The following DOK4 variants were observed in gnomAD, a reference collection of about 807,000 sequenced individuals.
The protein encoded by DOK4 is docking protein 4, also known as downstream of tyrosine kinase 4.
DOK4 carries 26 observed loss-of-function variants against 40.1 expected under a neutral mutation model. That is an observed-to-expected ratio of 0.65 (90% CI 0.48 to 0.90). DOK4 has a LOEUF of 0.90. DOK4 is among the 40% of genes least tolerant of loss of function. The pLI is 0.00. For synonymous variants in DOK4, 179 were observed against 177.0 expected, an observed-to-expected ratio of 1.01 and a Z score of -0.09; for missense variants, 392 against 437.2, an observed-to-expected ratio of 0.90 and a Z score of 0.92.
At chr16:57,474,642 T>G (rs1307028336) in intron 6 of DOK4, 151 bp downstream of exon 6, 6 of 1,014,294 alleles carry the variant, frequency 5.9e-6, no homozygotes, top group Non-Finnish European at 8.5e-6. Flanking sequence ...CCATTTCATT[T>G]CTTCGTCTGT....
At chr16:57,473,225 G>T in exon 9 of DOK4, 1 of 1,249,670 alleles carries the variant, frequency 8.0e-7, no homozygotes, top group African/African-American at 1.5e-5. Flanking sequence ...CTTTGCCTCA[G>T]TCCAGCCTCA....
chr16:57,474,714 GCA>G, intron 6 of DOK4, 77 bp downstream of exon 6: 1 of 1,539,346 alleles, frequency 6.5e-7, no homozygotes, highest in Non-Finnish European at 8.8e-7. Context: ...CAAGCTCCTA[GCA>G]CAGTGCCCAA....
chr16:57,473,582 C>T (rs1200688628), intron 8 of DOK4, 31 bp downstream of exon 8: 1 of 1,614,246 alleles, frequency 6.2e-7, no homozygotes, highest in South Asian at 1.1e-5. Context: ...AGCCTCCTGG[C>T]AGGTGGGTGT....
At chr16:57,473,813 C>G in intron 7 of DOK4, 77 bp from the exon 8 acceptor site, 1 of 1,592,518 alleles carries the variant, frequency 6.3e-7, no homozygotes, top group Non-Finnish European at 8.6e-7. Flanking sequence ...ACCCTACCTG[C>G]CTCCACTGTG....
At chr16:57,484,809 G>C (rs572391541) in intron 1 of DOK4, among the ~76,000 whole-genome samples, 1 of 152,288 alleles carries the variant, frequency 6.6e-6, no homozygotes, top group Non-Finnish European at 1.5e-5. Context: ...CACAACATCA[G>C]ATGCGGCTGT....
At chr16:57,478,900 T>G (rs1367143120) in intron 2 of DOK4, among the ~76,000 whole-genome samples, 1 of 152,172 alleles carries the variant, frequency 6.6e-6, no homozygotes, top group African/African-American at 2.4e-5. Context: ...CACTCCCCTT[T>G]TCAAACACTT....
intron 7 of DOK4, 36 bp downstream of exon 7, chr16:57,473,865 T>C (rs74595175): frequency 5.6e-3 from 8,560 of 1,522,270 alleles, no homozygotes; most frequent in Non-Finnish European, 6.8e-3. Flanking sequence ...CGTTCCCCCC[T>C]CCCCCCGTAC....
intron 2 of DOK4, among the ~76,000 whole-genome samples, chr16:57,478,262 G>A (rs1283608035): frequency 6.6e-6 from 1 of 152,184 alleles, no homozygotes; most frequent in Non-Finnish European, 1.5e-5. Context: ...GGAGGCACAG[G>A]AGGGGAAGTG....
chr16:57,483,009 A>G (rs1350192901), intron 1 of DOK4, among the ~76,000 whole-genome samples: 1 of 152,168 alleles, frequency 6.6e-6, no homozygotes, highest in African/African-American at 2.4e-5. Flanking sequence ...CAGCGGGAAG[A>G]GTGACCTTCA....
chr16:57,472,591 C>A (rs1422377464), exon 9 of DOK4: 2 of 152,652 alleles, frequency 1.3e-5, no homozygotes, highest in Non-Finnish European at 1.5e-5. Context: ...CCTGCTGCGG[C>A]CTTCCCTCCT....
chr16:57,473,709 A>G, exon 8 of DOK4: 1 of 1,613,454 alleles, frequency 6.2e-7, no homozygotes, highest in Non-Finnish European at 8.5e-7. Flanking sequence ...CAGGGATACG[A>G]GTAATGTTCC....
rs760350206 is a variant in DOK4, at chr16:57,485,631, T to C, written c.-182+674A>G. ...TCCCCATGGCTTGGGGCAGGCAGGC[T>C]GCACAGAGCCCCTGCTCTGCCACAT... On this transcript the variant is annotated intron_variant, in intron 1 of 8. Coordinates refer to ENST00000340099, the Ensembl canonical transcript of DOK4. This position sits in a 1 kb window ranked among gnomAD's most constrained non-coding sequence, Gnocchi z 4.3. Among the ~76,000 whole-genome samples the C allele has an allele frequency of 1.7e-4, 26 of 152,178 alleles. No homozygotes were observed. Among genetic ancestry groups the C allele is most frequent in the Non-Finnish European group, 3.4e-4 (23 of 68,022 alleles).
rs1389099956 is a variant in DOK4, at chr16:57,479,868, G to A, written c.-181-180C>T. On this transcript the variant is annotated intron_variant, in intron 1 of 8. Coordinates refer to ENST00000340099, the Ensembl canonical transcript of DOK4. This position sits in a 1 kb window ranked among gnomAD's most constrained non-coding sequence, Gnocchi z 5.8. The stretch of plus-strand genomic sequence containing the variant: ...ACCCCAGGACGACAGAACCATTCAG[G>A]AAAACCGAGGTGGAGGCGGCAGTGA... The A allele has an allele frequency of 4.9e-6, 1 of 204,788 alleles. No individual in the cohort carries two copies. Among genetic ancestry groups the A allele is most frequent in the Non-Finnish European group, 1.0e-5 (1 of 100,170 alleles). 12.7% of individuals were successfully genotyped at this position (204,788 alleles called of 1,614,324 possible). A position where few individuals can be genotyped will look rare whatever the true frequency, so the allele number is the denominator to read the frequency against.
In DOK4 at chr16:57,473,465, G is replaced by A. The variant is rs531274848; in HGVS notation, c.893C>T (p.Ser298Leu). The change falls in exon 9 of 9, where the codon TCG becomes TTG. Residue 298 changes from serine (S) to leucine (L), a missense_variant. Ser to Leu is a moderately radical substitution (Grantham distance 145, BLOSUM62 -2). Transcript: ENST00000340099. ...GAATCTGTTGAGGAGGTCTGTTTCCGAGCTGGCCTGGGCTGCCCCATACCC... is the reference window on the plus strand; with the variant it reads ...GAATCTGTTGAGGAGGTCTGTTTCCAAGCTGGCCTGGGCTGCCCCATACCC... 151 of 1,614,170 alleles carry A rather than the reference G, an allele frequency of 9.4e-5. 2 individuals carry two copies. Among genetic ancestry groups the A allele is most frequent in the South Asian group, 3.7e-4 (34 of 91,086 alleles).
exon 1 of DOK4, chr16:57,486,325 C>G (rs1290513159): frequency 6.6e-6 from 1 of 152,152 alleles, no homozygotes; most frequent in African/African-American, 2.4e-5. Context: ...AGGCCCGGGC[C>G]AGGAGCGCCT....
chr16:57,473,912 TCTC>T (rs771492693), exon 7 of DOK4: 6 of 1,612,386 alleles, frequency 3.7e-6, no homozygotes, highest in Non-Finnish European at 4.2e-6. Flanking sequence ...CTCACGTTCT[TCTC>T]CATTTCCAGC....
At chr16:57,481,847 G>C (rs1290160634) in intron 1 of DOK4, 1 of 151,700 alleles carries the variant, frequency 6.6e-6, no homozygotes, top group Admixed American at 6.6e-5. Context: ...TTGGGACACA[G>C]AGCTTCTACC....
At chr16:57,473,117 C>CAGAGT (rs113383954) in exon 9 of DOK4, 6,153 of 490,892 alleles carry the variant, frequency 0.013, 306 homozygotes, top group African/African-American at 0.11. Flanking sequence ...CTCATTGATA[C>CAGAGT]AGAGTATGTC....
chr16:57,472,737 A>G (rs1363725623), exon 9 of DOK4: 1 of 152,328 alleles, frequency 6.6e-6, no homozygotes, highest in Non-Finnish European at 1.5e-5. Flanking sequence ...TTAAAACCAG[A>G]TTTTCACCTG....
Sources: gnomAD v4.1 joint callset for allele counts (sites outside exome capture counted in the v4.1 genomes callset) on GRCh38, gnomAD v4.1.1 for gene constraint, Gnocchi (gnomAD v3.1) non-coding constraint, MANE v1.5 for transcripts, NCBI Gene and HGNC (gene_info 2026-07-23, HGNC 2026-07-21) for gene names.